PHF2: variants seen among roughly 807,000 people sequenced by gnomAD.
The protein encoded by PHF2 is lysine-specific demethylase PHF2.
In PHF2, 27 loss-of-function variants were observed where a neutral mutation model predicts 120.5. That is an observed-to-expected ratio of 0.22 (90% CI 0.17 to 0.31). The LOEUF is 0.31. Ranked by LOEUF, PHF2 falls within the 10% of genes least tolerant of loss-of-function variation. The pLI is 1.00. For synonymous variants in PHF2, 568 were observed against 592.5 expected, an observed-to-expected ratio of 0.96 and a Z score of 0.60; for missense variants, 1,024 against 1,434.8, an observed-to-expected ratio of 0.71 and a Z score of 4.63.
chr9:93,610,271 TG>T (rs1825613448), intron 1 of PHF2, among the ~76,000 whole-genome samples: 1 of 152,308 alleles, frequency 6.6e-6, no homozygotes, highest in East Asian at 1.9e-4. Flanking sequence ...CCATAGTTCT[TG>T]AATATTGTTT....
intron 1 of PHF2, among the ~76,000 whole-genome samples, chr9:93,619,815 G>C (rs1825795840): frequency 6.6e-6 from 1 of 152,104 alleles, no homozygotes. Flanking sequence ...AAGGGAAAGG[G>C]GCCGGCCAAC....
chr9:93,664,824 C>T (rs1461598750), intron 14 of PHF2, among the ~76,000 whole-genome samples: 2 of 152,238 alleles, frequency 1.3e-5, no homozygotes, highest in East Asian at 3.8e-4. Context: ...GTGACTCTAG[C>T]CTGTGGACAC....
At position 93,663,611 on chromosome 9, in the gene PHF2, C is replaced by G. The variant is rs761049923; in HGVS notation, c.1913C>G (p.Ser638Cys). 1.6e-5 allele frequency: 25 copies of G among 1,611,794 alleles called. No individual in the cohort carries two copies. Among genetic ancestry groups the G allele is most frequent in the Non-Finnish European group, 1.4e-5 (17 of 1,178,780 alleles). ...AGNKDNKFSFSFSNKKLLGSK... is the reference protein window; with the variant it reads ...AGNKDNKFSFCFSNKKLLGSK... ...AACAAAGACAATAAGTTCTCTTTTTCTTTCTCCAACAAGAAACTCCTCGGG... is the reference window on the plus strand; with the variant it reads ...AACAAAGACAATAAGTTCTCTTTTTGTTTCTCCAACAAGAAACTCCTCGGG... Residue 638 changes from serine (S) to cysteine (C), a missense_variant, in exon 14 of 22, where the codon TCT becomes TGT. By Grantham distance (112) the Ser-to-Cys change is moderately radical (BLOSUM62 -1). Coordinates refer to ENST00000359246, the MANE Select transcript of PHF2 (RefSeq NM_005392.4).
At position 93,677,146 on chromosome 9, in the gene PHF2, A is replaced by G. The variant is rs1302111548; in HGVS notation, c.3202+183A>G. ...TTTGTGTGAGCGTATCCCACAGTAC[A>G]GGACGTGTGCTTTCATCCTTCTGCT... On this transcript the variant is annotated intron_variant, in intron 21 of 21. Coordinates refer to ENST00000359246, the MANE Select transcript of PHF2 (RefSeq NM_005392.4). This position sits in a 1 kb window ranked among gnomAD's most constrained non-coding sequence, Gnocchi z 4.4. Among the ~76,000 whole-genome samples, 1 of 147,420 alleles carries G rather than the reference A, an allele frequency of 6.8e-6. No individual in the cohort carries two copies. The highest frequency in any genetic ancestry group is 2.5e-5 in the African/African-American group (1 of 40,010).
rs1826465323 is a variant in PHF2, at chr9:93,656,644, G to T, written c.1147+49G>T. On this transcript the variant is annotated intron_variant, in intron 9 of 21. Transcript: ENST00000359246. The surrounding 1 kb of genome is among the most constrained non-coding windows in gnomAD (Gnocchi z 4.1). ...GTCCAAGCCTGGGGCTCTTGGCTGT[G>T]GGGGCAGCCAGACCTGGTCAGGGCT... is the stretch of plus-strand genomic sequence containing the variant. 6 of 1,311,016 alleles carry T rather than the reference G, an allele frequency of 4.6e-6. No homozygotes were observed. The highest frequency in any genetic ancestry group is 6.6e-6 in the Non-Finnish European group (6 of 908,480). 81.2% of individuals were successfully genotyped at this position (1,311,016 alleles called of 1,614,324 possible).
intron 1 of PHF2, among the ~76,000 whole-genome samples, chr9:93,626,826 TGAA>T (rs1246971911): frequency 2.6e-5 from 4 of 152,252 alleles, no homozygotes; most frequent in Non-Finnish European, 5.9e-5. Flanking sequence ...CACCATTTGT[TGAA>T]GAGATTATTC....
intron 1 of PHF2, among the ~76,000 whole-genome samples, chr9:93,604,019 C>T (rs1281511594): frequency 6.6e-6 from 1 of 152,228 alleles, no homozygotes; most frequent in East Asian, 1.9e-4. Flanking sequence ...CCATTGGCCT[C>T]TCCTGGACTG....
At chr9:93,596,131 G>A (rs960372212) in intron 1 of PHF2, among the ~76,000 whole-genome samples, 5 of 152,132 alleles carry the variant, frequency 3.3e-5, no homozygotes, top group Non-Finnish European at 7.3e-5. Context: ...GAGGCAGGCC[G>A]CATGGAGTGG....
intron 3 of PHF2, among the ~76,000 whole-genome samples, chr9:93,641,752 C>T (rs1209277607): frequency 2.0e-5 from 3 of 152,192 alleles, no homozygotes; most frequent in South Asian, 2.1e-4. Flanking sequence ...TTCTTGACAG[C>T]GTCATTTGAA....
rs1825888442 is a variant in PHF2 at position 93,624,983 on chromosome 9, A to G, written c.99-4987A>G. Among the ~76,000 whole-genome samples the G allele has an allele frequency of 2.6e-5, 4 of 152,232 alleles. No homozygotes were observed. The South Asian group carries it at 6.2e-4, about 24-fold the overall frequency. ...TCTCTTTTATTGAGTTAAAATTCAC[A>G]TAGCATAATATTAATTGTTTTAAAA... On this transcript the variant is annotated intron_variant, in intron 1 of 21. Coordinates refer to ENST00000359246, the MANE Select transcript of PHF2 (RefSeq NM_005392.4).
Position 93,673,695 on chromosome 9 carries a change from C to T in PHF2, c.2459C>T (p.Ala820Val). 1.2e-6 allele frequency: 2 copies of T among 1,613,184 alleles called. No individual in the cohort carries two copies. The highest frequency in any genetic ancestry group is 1.7e-6 in the Non-Finnish European group (2 of 1,179,744). Residue 820 changes from alanine (A) to valine (V), a missense_variant, in exon 18 of 22, where the codon GCC becomes GTC. By Grantham distance (64) the Ala-to-Val change is moderately conservative. Coordinates refer to ENST00000359246, the MANE Select transcript of PHF2 (RefSeq NM_005392.4). ...CLQTTWGAGQ[A>V]KGSSLAAHGA... The stretch of plus-strand genomic sequence containing the variant: ...CAGACCACGTGGGGAGCTGGCCAGG[C>T]CAAGGGGAGCTCGCTGGCTGCCCAT...
intron 3 of PHF2, among the ~76,000 whole-genome samples, chr9:93,642,541 TG>T (rs1401255754): frequency 6.6e-6 from 1 of 152,268 alleles, no homozygotes; most frequent in Non-Finnish European, 1.5e-5. Flanking sequence ...GAGTGAAAGC[TG>T]TTTTTCTTTA....
chr9:93,597,282 A>G (rs1170256583), intron 1 of PHF2, among the ~76,000 whole-genome samples: 1 of 152,178 alleles, frequency 6.6e-6, no homozygotes, highest in East Asian at 1.9e-4. Context: ...GAATCTGGCT[A>G]GGCTGCAGGA....
intron 9 of PHF2, among the ~76,000 whole-genome samples, chr9:93,657,023 C>G (rs1826473720): frequency 6.6e-6 from 1 of 152,082 alleles, no homozygotes; most frequent in Admixed American, 6.5e-5. Context: ...GTGAGGCAGG[C>G]TTGTGGCTCG....
chr9:93,581,281 C>G (rs927089966), intron 1 of PHF2, among the ~76,000 whole-genome samples: 1 of 152,144 alleles, frequency 6.6e-6, no homozygotes, highest in Non-Finnish European at 1.5e-5. Context: ...GGGCTGTGGC[C>G]TCGCGCTGCA....
chr9:93,675,108 A>G, intron 19 of PHF2, 86 bp downstream of exon 19: 1 of 1,073,976 alleles, frequency 9.3e-7, no homozygotes, highest in Non-Finnish European at 1.4e-6. Context: ...GCCCCTGAGA[A>G]TGTGGGCTCA....
chr9:93,677,782 G>A lies in PHF2; in HGVS notation c.*106G>A. 1 of 771,138 alleles carries A rather than the reference G, an allele frequency of 1.3e-6. No homozygotes were observed. Among genetic ancestry groups the A allele is most frequent in the Non-Finnish European group, 2.2e-6 (1 of 458,590 alleles). The allele number at this position is 771,138 out of a possible 1,614,324, so 47.8% of individuals were successfully genotyped here. On this transcript the variant is annotated 3_prime_UTR_variant, in exon 22 of 22. Coordinates refer to ENST00000359246, the MANE Select transcript of PHF2 (RefSeq NM_005392.4). This position sits in a 1 kb window ranked among gnomAD's most constrained non-coding sequence, Gnocchi z 4.4. ...GAGCTGCCTCACCAGGGAGGGCCTT[G>A]CCTCTTCCCGGCTGCCATCTCCCCA...
intron 19 of PHF2, 21 bp from the exon 20 acceptor site, chr9:93,675,659 G>T (rs773977401): frequency 6.3e-7 from 1 of 1,592,780 alleles, no homozygotes; most frequent in Non-Finnish European, 8.6e-7. Flanking sequence ...GCTTGAGGGG[G>T]CTGGCCCTTC....
At chr9:93,671,035 G>A (rs1826772630) in intron 17 of PHF2, 3 of 981,698 alleles carry the variant, frequency 3.1e-6, no homozygotes, top group Admixed American at 6.2e-5. Flanking sequence ...GTGGGTGCAG[G>A]TGTGGGGGTA....
Sources: gnomAD v4.1 joint callset for allele counts (sites outside exome capture counted in the v4.1 genomes callset) on GRCh38, gnomAD v4.1.1 for gene constraint, Gnocchi (gnomAD v3.1) non-coding constraint, MANE v1.5 for transcripts, NCBI Gene and HGNC (gene_info 2026-07-23, HGNC 2026-07-21) for gene names.